PRKG1: variants seen among roughly 807,000 people sequenced by gnomAD.
PRKG1 encodes cGMP-dependent protein kinase 1.
A neutral mutation model predicts 88.1 loss-of-function variants in PRKG1; 35 were observed. The observed-to-expected ratio is 0.40, with a 90% CI of 0.30 to 0.53. The LOEUF (loss-of-function observed/expected upper bound fraction) is 0.53, where lower values mean the gene tolerates loss of function less well. Among genes scored for constraint, PRKG1 ranks in the 20% least tolerant of loss-of-function variants. The probability of loss-of-function intolerance (pLI) is 0.59; values close to 1 mark genes in which losing one functional copy is unlikely to be tolerated. For missense variants in PRKG1, 540 were observed against 839.8 expected (o/e 0.64, Z 4.41); for synonymous variants, 303 against 292.5 (o/e 1.04, Z -0.37).
intron 3 of PRKG1, among the ~76,000 whole-genome samples, chr10:51,731,266 C>T (rs1423542541): frequency 1.3e-5 from 2 of 152,074 alleles, no homozygotes; most frequent in Non-Finnish European, 2.9e-5. Context: ...AAAGTAATAA[C>T]ATTAGCAGAA....
At chr10:51,990,761 T>C (rs1160767269) in intron 5 of PRKG1, among the ~76,000 whole-genome samples, 1 of 152,116 alleles carries the variant, frequency 6.6e-6, no homozygotes, top group Non-Finnish European at 1.5e-5. Context: ...GTTGTTCCTC[T>C]CTATGTGTCC....
chr10:51,709,268 A>G (rs1841683964), intron 3 of PRKG1, among the ~76,000 whole-genome samples: 1 of 152,228 alleles, frequency 6.6e-6, no homozygotes, highest in African/African-American at 2.4e-5. Context: ...GAAGGTGAAT[A>G]CACTGTACTT....
At chr10:51,929,607 T>C (rs1047397315) in intron 5 of PRKG1, among the ~76,000 whole-genome samples, 1 of 152,122 alleles carries the variant, frequency 6.6e-6, no homozygotes, top group African/African-American at 2.4e-5. Flanking sequence ...TGCCTCGGCC[T>C]CTCAAAGTGC....
At chr10:51,089,366 A>C (rs1844342358) in intron 1 of PRKG1, among the ~76,000 whole-genome samples, 1 of 152,182 alleles carries the variant, frequency 6.6e-6, no homozygotes, top group Admixed American at 6.6e-5. Context: ...AACACGTACT[A>C]AGAAAATCCT....
At chr10:52,070,909 G>A (rs10824015) in intron 7 of PRKG1, among the ~76,000 whole-genome samples, 26,151 of 152,076 alleles carry the variant, frequency 0.17, 2,856 homozygotes, top group South Asian at 0.28. Flanking sequence ...CAGCTCCATT[G>A]TTTATGAAAT....
intron 3 of PRKG1, among the ~76,000 whole-genome samples, chr10:51,486,171 A>G (rs2132858897): frequency 6.6e-6 from 1 of 152,212 alleles, no homozygotes; most frequent in East Asian, 1.9e-4. Flanking sequence ...ACTATACTTT[A>G]CAGTAGCTCT....
At chr10:52,136,779 A>C (rs1837435265) in intron 8 of PRKG1, among the ~76,000 whole-genome samples, 1 of 152,062 alleles carries the variant, frequency 6.6e-6, no homozygotes, top group Non-Finnish European at 1.5e-5. Flanking sequence ...CAGAAGGCAT[A>C]GGATTCCCTT....
chr10:51,016,848 T>C (rs1843072899), intron 1 of PRKG1, among the ~76,000 whole-genome samples: 1 of 151,330 alleles, frequency 6.6e-6, no homozygotes, highest in Non-Finnish European at 1.5e-5. Context: ...TTTGTATTTT[T>C]AGTAGAGATG....
intron 2 of PRKG1, 127 bp from the exon 3 acceptor site, chr10:51,467,596 G>A (rs552585610): frequency 7.8e-6 from 5 of 643,268 alleles, no homozygotes; most frequent in East Asian, 2.8e-5. Flanking sequence ...CTGCCTCGTG[G>A]TGACTTTGTT....
chr10:51,297,835 TA>T (rs1191185668), intron 2 of PRKG1, among the ~76,000 whole-genome samples: 1 of 152,140 alleles, frequency 6.6e-6, no homozygotes, highest in East Asian at 1.9e-4. Context: ...ATGATTACGA[TA>T]ATGCCTCCCA....
rs548068560 is a variant in PRKG1, at chr10:51,211,938, A to G, written c.478+58608A>G. 1.8e-3 allele frequency among the ~76,000 whole-genome samples: 277 copies of G among 152,312 alleles called. 3 individuals carry two copies. Among genetic ancestry groups the G allele is most frequent in the Admixed American group, 0.018 (270 of 15,292 alleles). On this transcript the variant is annotated intron_variant, in intron 2 of 17. Coordinates refer to ENST00000373980, the MANE Select transcript of PRKG1 (RefSeq NM_006258.4). The stretch of plus-strand genomic sequence containing the variant: ...TGCCATCCCCATCAAGCTAACAATG[A>G]CTTTCTTCACAGAATTTAAAAAACT...
intron 5 of PRKG1, among the ~76,000 whole-genome samples, chr10:51,983,614 G>C (rs1844072640): frequency 6.6e-6 from 1 of 152,184 alleles, no homozygotes; most frequent in Non-Finnish European, 1.5e-5. Context: ...ATAGGAACAA[G>C]TTGAGCCTGG....
intron 2 of PRKG1, among the ~76,000 whole-genome samples, chr10:51,188,190 A>T (rs748136297): frequency 1.3e-5 from 2 of 152,030 alleles, no homozygotes; most frequent in Non-Finnish European, 2.9e-5. Context: ...GGCTGCCCTC[A>T]GTCTTGTCTT....
intron 4 of PRKG1, among the ~76,000 whole-genome samples, chr10:51,904,526 G>A (rs1047217796): frequency 3.9e-5 from 6 of 152,008 alleles, no homozygotes; most frequent in African/African-American, 1.2e-4. Flanking sequence ...AATTAATTAC[G>A]TGACAGAATT....
At chr10:51,768,029 A>T (rs1452077916) in intron 3 of PRKG1, among the ~76,000 whole-genome samples, 3 of 122,284 alleles carry the variant, frequency 2.5e-5, no homozygotes, top group Admixed American at 7.5e-5. Flanking sequence ...ATAAATAAAT[A>T]AAAAAACGTT....
chr10:52,162,130 C>G (rs1838292591), intron 9 of PRKG1, among the ~76,000 whole-genome samples, 167 bp downstream of exon 9: 1 of 152,024 alleles, frequency 6.6e-6, no homozygotes, highest in Admixed American at 6.6e-5. Context: ...GGTATGCTTA[C>G]CTAGGAGTAT....
intron 1 of PRKG1, among the ~76,000 whole-genome samples, chr10:51,085,170 G>T (rs954560845): frequency 6.6e-6 from 1 of 152,226 alleles, no homozygotes; most frequent in Non-Finnish European, 1.5e-5. Flanking sequence ...CCTACAGGTG[G>T]CTGGCAAACA....
At chr10:51,881,907 G>A (rs1260673121) in intron 4 of PRKG1, among the ~76,000 whole-genome samples, 1 of 152,072 alleles carries the variant, frequency 6.6e-6, no homozygotes, top group Admixed American at 6.6e-5. Context: ...GCAAGACCAG[G>A]CACCAACTGA....
At chr10:51,720,695 C>T (rs1029217018) in intron 3 of PRKG1, among the ~76,000 whole-genome samples, 3 of 152,064 alleles carry the variant, frequency 2.0e-5, no homozygotes, top group Non-Finnish European at 4.4e-5. Context: ...TAAAATTTGC[C>T]AAAGTCCACA....
Sources: allele counts gnomAD v4.1 joint callset (sites outside exome capture counted in the v4.1 genomes callset), GRCh38; gene constraint gnomAD v4.1.1; transcripts MANE v1.5; gene names NCBI Gene and HGNC (gene_info 2026-07-23, HGNC 2026-07-21).